The following KIAA0408 variants were observed in gnomAD, a reference collection of about 807,000 sequenced individuals.
KIAA0408 encodes the protein uncharacterized protein KIAA0408.
Under a neutral mutation model 60.9 loss-of-function variants are expected in KIAA0408, and 51 were observed. That is an observed-to-expected ratio of 0.84 (90% confidence interval 0.67 to 1.06). The LOEUF is 1.06. Ranked by LOEUF, KIAA0408 falls within the 50% of genes least tolerant of loss-of-function variation. The probability of loss-of-function intolerance (pLI) is 0.00; values close to 1 mark genes in which losing one functional copy is unlikely to be tolerated. For synonymous variants in KIAA0408, 304 were observed against 282.4 expected, an observed-to-expected ratio of 1.08 and a Z score of -0.77; for missense variants, 787 against 833.9, an observed-to-expected ratio of 0.94 and a Z score of 0.69.
chr6:127,456,783 GT>G (rs2114807739), intron 1 of KIAA0408, among the ~76,000 whole-genome samples: 1 of 89,232 alleles, frequency 1.1e-5, no homozygotes, highest in East Asian at 4.2e-4. Flanking sequence ...ATATAAAGTG[GT>G]GGGGGGGGGG....
rs1159103207 is a variant in KIAA0408, at chr6:127,450,286, A to G, written c.202T>C (p.Tyr68His). The G allele has an allele frequency of 6.2e-7, 1 of 1,613,736 alleles. No individual in the cohort carries two copies. The highest frequency in any genetic ancestry group is 8.5e-7 in the Non-Finnish European group (1 of 1,179,940). The change falls in exon 3 of 6, where the codon TAC (tyrosine) becomes CAC (histidine). Residue 68 changes from tyrosine (Y) to histidine (H), a missense_variant. Around this residue, in one of 3 missense-constraint regions of KIAA0408, gnomAD observed 640 missense variants for 681.3 expected, o/e 0.94. Coordinates refer to ENST00000483725, the MANE Select transcript of KIAA0408 (RefSeq NM_014702.5). The stretch of plus-strand genomic sequence containing the variant: ...TTCTCTGGAATGGTCTTCTCATGGT[A>G]AAGATCAATGATCTTAGCACTTTCA... ...INESAKIIDLYHEKTIPEKVI... is the reference protein window; with the variant it reads ...INESAKIIDLHHEKTIPEKVI...
intron 4 of KIAA0408, among the ~76,000 whole-genome samples, chr6:127,448,188 A>C (rs1031380215): frequency 6.6e-6 from 1 of 152,178 alleles, no homozygotes; most frequent in South Asian, 2.1e-4. Context: ...TTAAGTAGTC[A>C]GATACAAATC....
chr6:127,450,176 T>G lies in KIAA0408; in HGVS notation c.312A>C (p.Glu104Asp). 1 of 1,614,116 alleles carries G rather than the reference T, an allele frequency of 6.2e-7. No homozygotes were observed. The highest frequency in any genetic ancestry group is 1.3e-5 in the African/African-American group (1 of 75,036). Residue 104 changes from glutamate (E) to aspartate (D), a missense_variant, in exon 3 of 6, where the codon GAA (glutamate) becomes GAC (aspartate). Glu to Asp is a conservative substitution (Grantham distance 45). This residue lies in a region of KIAA0408 where 640 missense variants were observed against 681.3 expected (regional missense o/e 0.94). Coordinates refer to ENST00000483725, the MANE Select transcript of KIAA0408 (RefSeq NM_014702.5). ...TGACTAAGCTCTGCTCTCTTTTATT[T>G]TCTTTTCTCAGACCATCTTTGTGAT... is the stretch of plus-strand genomic sequence containing the variant. ...RTNHKDGLRK[E>D]NKREQSLVSG...
intron 1 of KIAA0408, among the ~76,000 whole-genome samples, chr6:127,457,863 C>G (rs1330117973): frequency 1.3e-5 from 2 of 152,174 alleles, no homozygotes; most frequent in Admixed American, 1.3e-4. Flanking sequence ...TCCAACTCGC[C>G]CATTGAAAAC....
intron 1 of KIAA0408, among the ~76,000 whole-genome samples, chr6:127,456,779 A>G (rs1202279672): frequency 1.1e-5 from 1 of 89,064 alleles, no homozygotes. Context: ...CTAAATATAA[A>G]GTGGTGGGGG....
chr6:127,450,090 A>G lies in KIAA0408; in HGVS notation c.398T>C (p.Leu133Ser), dbSNP rs1194629353. 1.9e-6 allele frequency: 3 copies of G among 1,614,108 alleles called. No individual in the cohort carries two copies. The highest frequency in any genetic ancestry group is 2.5e-6 in the Non-Finnish European group (3 of 1,179,986). The change falls in exon 3 of 6, where the codon TTG becomes TCG. Residue 133 changes from leucine (L) to serine (S), a missense_variant. Around this residue, in one of 3 missense-constraint regions of KIAA0408, gnomAD observed 640 missense variants for 681.3 expected, o/e 0.94. Transcript: ENST00000483725. The part of the protein sequence containing the change: ...KATKKSKVGF[L>S]DPLATDNQKE... ...TTGGTTGTCTGTAGCCAAAGGATCC[A>G]AAAACCCTACTTTTGATTTTTTTGT...
chr6:127,450,900 T>A (rs1227729360), intron 2 of KIAA0408: 1 of 157,078 alleles, frequency 6.4e-6, no homozygotes, highest in Non-Finnish European at 1.4e-5. Context: ...TAGATATTAC[T>A]GAGATTTTTA....
rs746361140 is a variant in KIAA0408 at position 127,447,279 on chromosome 6, T to C, written c.1040A>G (p.Asp347Gly). 1.2e-6 allele frequency: 2 copies of C among 1,614,104 alleles called. No individual in the cohort carries two copies. Among genetic ancestry groups the C allele is most frequent in the South Asian group, 1.1e-5 (1 of 91,066 alleles). Residue 347 changes from aspartate (D) to glycine (G), a missense_variant, in exon 5 of 6, where the codon GAT becomes GGT. Physicochemically the swap from Asp to Gly is moderately conservative, Grantham distance 94. Coordinates refer to ENST00000483725, the MANE Select transcript of KIAA0408 (RefSeq NM_014702.5). ...FSSLVPEVKI[D>G]SKPPSNEDVG... The stretch of plus-strand genomic sequence containing the variant: ...ATCTTCATTACTTGGAGGCTTGCTA[T>C]CTATTTTGACTTCTGGTACCAAAGA...
At position 127,439,043 on chromosome 6, in the gene KIAA0408, T is replaced by C. The variant is rs1773063988; in HGVS notation, c.*5066A>G. The C allele has an allele frequency of 6.5e-6, 1 of 152,672 alleles. No individual in the cohort carries two copies. The highest frequency in any genetic ancestry group is 6.5e-5 in the Admixed American group (1 of 15,280). 9.5% of individuals were successfully genotyped at this position (152,672 alleles called of 1,614,324 possible). On this transcript the variant is annotated 3_prime_UTR_variant, in exon 6 of 6. Coordinates refer to ENST00000483725, the MANE Select transcript of KIAA0408 (RefSeq NM_014702.5). ...TCTCCATTGTTGGCCCCTTCTGCCA[T>C]ATAAAGACACAGCAATAAGGCACCA...
chr6:127,447,285 T>A lies in KIAA0408; in HGVS notation c.1034A>T (p.Lys345Ile). 6.2e-7 allele frequency: 1 copy of A among 1,614,142 alleles called. No homozygotes were observed. The highest frequency in any genetic ancestry group is 8.5e-7 in the Non-Finnish European group (1 of 1,180,002). ...IIFSSLVPEV[K>I]IDSKPPSNED... ...ATTACTTGGAGGCTTGCTATCTATT[T>A]TGACTTCTGGTACCAAAGAGGAAAA... The change falls in exon 5 of 6, where the codon AAA becomes ATA. Residue 345 changes from lysine (K) to isoleucine (I), a missense_variant. Physicochemically the swap from Lys to Ile is moderately radical, Grantham distance 102 (BLOSUM62 -3). Around this residue, in one of 3 missense-constraint regions of KIAA0408, gnomAD observed 640 missense variants for 681.3 expected, o/e 0.94. Coordinates refer to ENST00000483725, the MANE Select transcript of KIAA0408 (RefSeq NM_014702.5).
chr6:127,456,233 A>G (rs900848789), intron 1 of KIAA0408, among the ~76,000 whole-genome samples: 2 of 152,214 alleles, frequency 1.3e-5, no homozygotes, highest in African/African-American at 2.4e-5. Context: ...AAGAGGAGCT[A>G]TGATAAATCC....
At chr6:127,453,625 G>A (rs1773340178) in intron 2 of KIAA0408, among the ~76,000 whole-genome samples, 1 of 152,008 alleles carries the variant, frequency 6.6e-6, no homozygotes, top group Non-Finnish European at 1.5e-5. Flanking sequence ...AAACATTATA[G>A]AGTGACATTT....
chr6:127,453,028 C>T (rs1773328518), intron 2 of KIAA0408, among the ~76,000 whole-genome samples: 1 of 152,024 alleles, frequency 6.6e-6, no homozygotes, highest in Non-Finnish European at 1.5e-5. Context: ...ACTATAAACA[C>T]ATAAAGCACT....
Position 127,444,220 on chromosome 6 carries a change from A to T in KIAA0408, c.1974T>A (p.Asn658Lys). Residue 658 changes from asparagine to lysine, a missense_variant, in exon 6 of 6, where the codon AAT (asparagine) becomes AAA (lysine). Around this residue, in one of 3 missense-constraint regions of KIAA0408, gnomAD observed 133 missense variants for 119.2 expected, o/e 1.12. Transcript: ENST00000483725. The stretch of plus-strand genomic sequence containing the variant: ...ATGCCCATCTGGAGGGGAGACGACG[A>T]TTTGCTGGTCTAGCAGGTCGGGAAA... ...KGFSRPARPANRRLPSRWASR... is the reference protein window; with the variant it reads ...KGFSRPARPAKRRLPSRWASR... 4.3e-6 allele frequency: 7 copies of T among 1,613,358 alleles called. No individual in the cohort carries two copies. Among genetic ancestry groups the T allele is most frequent in the Non-Finnish European group, 5.9e-6 (7 of 1,179,758 alleles).
chr6:127,454,005 A>G lies in KIAA0408; in HGVS notation c.-24T>C. The G allele has an allele frequency of 6.2e-7, 1 of 1,600,698 alleles. No homozygotes were observed. Among genetic ancestry groups the G allele is most frequent in the Non-Finnish European group, 8.5e-7 (1 of 1,173,550 alleles). On this transcript the variant is annotated 5_prime_UTR_variant, in exon 2 of 6. Transcript: ENST00000483725. ...ATGGCAACAGTGTAAGTGTCAGCAA[A>G]GAAGTGTTTCTGCTCTTCTCTGCCT...
rs3734447 is a variant in KIAA0408 at position 127,450,307 on chromosome 6, T to G, written c.181A>C (p.Ser61Arg). The part of the protein sequence containing the change: ...KLWRKININE[S>R]AKIIDLYHEK... ...TGGTAAAGATCAATGATCTTAGCAC[T>G]TTCATTGATATTGATTTTCCTCCAA... Residue 61 changes from serine to arginine, a missense_variant, in exon 3 of 6, where the codon AGT becomes CGT. This residue lies in a region of KIAA0408 where 640 missense variants were observed against 681.3 expected (regional missense o/e 0.94). Coordinates refer to ENST00000483725, the MANE Select transcript of KIAA0408 (RefSeq NM_014702.5). 918,576 of 1,608,820 alleles carry G rather than the reference T, an allele frequency of 0.57. 270,644 individuals carry two copies. Among genetic ancestry groups the G allele is most frequent in the Non-Finnish European group, 0.6 (711,771 of 1,178,642 alleles).
chr6:127,448,699 G>A (rs188297073), intron 4 of KIAA0408, among the ~76,000 whole-genome samples: 1 of 152,202 alleles, frequency 6.6e-6, no homozygotes. Flanking sequence ...ACAGAGAATA[G>A]AAAAGCTAAA....
In KIAA0408 at chr6:127,447,202, G is replaced by A. The variant is rs761708079; in HGVS notation, c.1117C>T (p.Pro373Ser). 1 of 1,612,068 alleles carries A rather than the reference G, an allele frequency of 6.2e-7. No individual in the cohort carries two copies. The highest frequency in any genetic ancestry group is 8.5e-7 in the Non-Finnish European group (1 of 1,179,328). Residue 373 changes from proline to serine, a missense_variant, in exon 5 of 6, where the codon CCC becomes TCC. Coordinates refer to ENST00000483725, the MANE Select transcript of KIAA0408 (RefSeq NM_014702.5). ...CDIGIGAKRS[P>S]STSWFQKTCS... ...GTTTTCTGAAACCACGAAGTAGAGG[G>A]GCTCCTTTTTGCACCTATCCCAATG...
rs1773196780 is a variant in KIAA0408, at chr6:127,446,485, G to C, written c.1834C>G (p.Gln612Glu). Reference sequence around the variant, plus strand: ...ACAGCTGTCTTTTGCTGAAACTGTTGTTCCATTTGGAGCATTTCTAAATGC... The same window carrying C: ...ACAGCTGTCTTTTGCTGAAACTGTTCTTCCATTTGGAGCATTTCTAAATGC... ...SQHLEMLQME[Q>E]QFQQKTAVWG... Residue 612 changes from glutamine (Q) to glutamate (E), a missense_variant, in exon 5 of 6, where the codon CAA becomes GAA. By Grantham distance (29) the Gln-to-Glu change is conservative. Transcript: ENST00000483725. 9.3e-6 allele frequency: 15 copies of C among 1,613,868 alleles called. No individual in the cohort carries two copies. Among genetic ancestry groups the C allele is most frequent in the African/African-American group, 1.3e-5 (1 of 74,860 alleles).
Sources: allele counts gnomAD v4.1 joint callset (sites outside exome capture counted in the v4.1 genomes callset), GRCh38; gene constraint gnomAD v4.1.1; regional missense constraint gnomAD v4.1.1; transcripts MANE v1.5; gene names NCBI Gene and HGNC (gene_info 2026-07-23, HGNC 2026-07-21).